TBC1D16: variants seen among roughly 807,000 people sequenced by gnomAD.
TBC1D16 encodes TBC1 domain family member 16, also known as CTD-2529O21.1.
A neutral mutation model predicts 74.7 loss-of-function variants in TBC1D16; 58 were observed. The observed-to-expected ratio is 0.78, with a 90% CI of 0.63 to 0.97. The LOEUF (loss-of-function observed/expected upper bound fraction) is 0.97, where lower values mean the gene tolerates loss of function less well. Ranked by LOEUF, TBC1D16 falls within the 50% of genes least tolerant of loss-of-function variation. The pLI is 0.00. For missense variants in TBC1D16, 1,014 were observed against 1,079.5 expected, an observed-to-expected ratio of 0.94 and a Z score of 0.85; for synonymous variants, 493 against 474.7, an observed-to-expected ratio of 1.04 and a Z score of -0.50.
chr17:80,018,282 AT>A (rs1257802956), intron 1 of TBC1D16, among the ~76,000 whole-genome samples: 6 of 135,546 alleles, frequency 4.4e-5, no homozygotes, highest in African/African-American at 6.9e-5. Flanking sequence ...TTATTTCTTT[AT>A]TTTTTTTTTA....
In TBC1D16 at chr17:80,000,166, T is replaced by A. The variant is rs537247327; in HGVS notation, c.779+9994A>T. 3.0e-4 allele frequency among the ~76,000 whole-genome samples: 46 copies of A among 152,274 alleles called. No homozygotes were observed. The South Asian group carries it at 8.7e-3, about 29-fold the overall frequency. On this transcript the variant is annotated intron_variant, in intron 3 of 11. Transcript: ENST00000310924. The surrounding 1 kb of genome is among the most constrained non-coding windows in gnomAD (Gnocchi z 4.1). Reference sequence around the variant, plus strand: ...ATGACCACACTGATGTCGGGAGCTGTTTCTGGGATTCAGGTTGGCACCCAT... The same window carrying A: ...ATGACCACACTGATGTCGGGAGCTGATTCTGGGATTCAGGTTGGCACCCAT...
In TBC1D16 at chr17:79,986,958, C is replaced by A. The variant is rs1183648248; in HGVS notation, c.779+23202G>T. 1.3e-5 allele frequency among the ~76,000 whole-genome samples: 2 copies of A among 152,246 alleles called. No individual in the cohort carries two copies. The highest frequency in any genetic ancestry group is 2.9e-5 in the Non-Finnish European group (2 of 68,042). On this transcript the variant is annotated intron_variant, in intron 3 of 11. Coordinates refer to ENST00000310924, the MANE Select transcript of TBC1D16 (RefSeq NM_019020.4). The surrounding 1 kb of genome is among the most constrained non-coding windows in gnomAD (Gnocchi z 6.0). ...TTACTTGGCTCCCTTCCCGGGATGG[C>A]CTTGTAGCAAATCCATCTGGGATAT...
intron 5 of TBC1D16, among the ~76,000 whole-genome samples, 188 bp downstream of exon 5, chr17:79,951,262 A>C (rs931536915): frequency 6.6e-6 from 1 of 152,218 alleles, no homozygotes; most frequent in Non-Finnish European, 1.5e-5. Flanking sequence ...CACTGACTTT[A>C]CCGAAAGCCC....
At chr17:80,027,664 G>A (rs540777048) in intron 1 of TBC1D16, among the ~76,000 whole-genome samples, 23 of 151,550 alleles carry the variant, frequency 1.5e-4, no homozygotes, top group East Asian at 1.4e-3. Flanking sequence ...AGGCTGAGGC[G>A]GCAGATCGCT....
At position 80,009,811 on chromosome 17, in the gene TBC1D16, G is replaced by A. The variant is rs111994785; in HGVS notation, c.779+349C>T. On this transcript the variant is annotated intron_variant, in intron 3 of 11. Transcript: ENST00000310924. This position sits in a 1 kb window ranked among gnomAD's most constrained non-coding sequence, Gnocchi z 5.4. The stretch of plus-strand genomic sequence containing the variant: ...GGGACTGAAAATCTCCTGCCCCTCC[G>A]GTGATGGGAACAGAAGGGACCAGGA... 1.3e-5 allele frequency among the ~76,000 whole-genome samples: 2 copies of A among 152,084 alleles called. No individual in the cohort carries two copies. Among genetic ancestry groups the A allele is most frequent in the African/African-American group, 4.8e-5 (2 of 41,430 alleles).
At chr17:80,015,170 C>T (rs1445006220) in intron 1 of TBC1D16, among the ~76,000 whole-genome samples, 1 of 152,210 alleles carries the variant, frequency 6.6e-6, no homozygotes, top group Non-Finnish European at 1.5e-5. Context: ...TGACTCATGC[C>T]TGTAATCCAA....
chr17:79,963,151 A>G (rs1377079024), intron 3 of TBC1D16, among the ~76,000 whole-genome samples: 1 of 148,298 alleles, frequency 6.7e-6, no homozygotes, highest in Non-Finnish European at 1.5e-5. Context: ...CAGGAGTTGG[A>G]GGTTGCTGTC....
intron 3 of TBC1D16, among the ~76,000 whole-genome samples, chr17:80,006,337 C>T (rs1598416517): frequency 6.6e-6 from 1 of 152,312 alleles, no homozygotes; most frequent in Middle Eastern, 3.4e-3. Context: ...GGCGCCACCC[C>T]AGCGATCCTA....
chr17:79,941,280 G>A lies in TBC1D16; in HGVS notation c.2056-173C>T, dbSNP rs924019658. ...CATCTCCCACCATCACCGGCACCAC[G>A]GGGCCCTGGGTCTTAGGTGGCTGCA... On this transcript the variant is annotated intron_variant, in intron 11 of 11. Transcript: ENST00000310924. This position sits in a 1 kb window ranked among gnomAD's most constrained non-coding sequence, Gnocchi z 4.3. 3.9e-5 allele frequency among the ~76,000 whole-genome samples: 6 copies of A among 152,244 alleles called. No individual in the cohort carries two copies. Among genetic ancestry groups the A allele is most frequent in the East Asian group, 1.9e-4 (1 of 5,190 alleles).
chr17:79,933,325 G>C lies in TBC1D16; in HGVS notation c.*7534C>G, dbSNP rs2031374505. 6.6e-6 allele frequency: 1 copy of C among 152,068 alleles called. No homozygotes were observed. Among genetic ancestry groups the C allele is most frequent in the African/African-American group, 2.4e-5 (1 of 41,364 alleles). The allele number at this position is 152,068 out of a possible 1,614,324, so 9.4% of individuals were successfully genotyped here. A position where few individuals can be genotyped will look rare whatever the true frequency, so the allele number is the denominator to read the frequency against. On this transcript the variant is annotated 3_prime_UTR_variant, in exon 12 of 12. Transcript: ENST00000310924. ...GTCCGTCTCACTGGGACGAAGAGGG[G>C]GCACAGATGCAGGTATGCCCAGGTA...
intron 3 of TBC1D16, among the ~76,000 whole-genome samples, chr17:79,966,349 G>A (rs1057494122): frequency 6.6e-6 from 1 of 152,114 alleles, no homozygotes; most frequent in Admixed American, 6.5e-5. Flanking sequence ...AGGTGGACAT[G>A]AATTTGAGGG....
Position 79,987,199 on chromosome 17 carries a change from G to A in TBC1D16, c.779+22961C>T, listed in dbSNP as rs980999628. Among the ~76,000 whole-genome samples the A allele has an allele frequency of 6.6e-5, 10 of 151,970 alleles. No homozygotes were observed. The highest frequency in any genetic ancestry group is 6.3e-4 in the South Asian group (3 of 4,784). ...GGAGAAAATTGTTCCAGAGCGTCTC[G>A]GTCTGGGTGGGAGCGGGGAATAAGC... is the stretch of plus-strand genomic sequence containing the variant. On this transcript the variant is annotated intron_variant, in intron 3 of 11. Transcript: ENST00000310924. The surrounding 1 kb of genome is among the most constrained non-coding windows in gnomAD (Gnocchi z 5.2).
chr17:80,014,921 GTATATATAA>G (rs2036032950), intron 1 of TBC1D16, among the ~76,000 whole-genome samples: 1 of 152,200 alleles, frequency 6.6e-6, no homozygotes, highest in African/African-American at 2.4e-5. Context: ...CGTATGAAAT[GTATATATAA>G]TGCGCTGTGA....
chr17:79,952,381 C>T (rs989314742), intron 4 of TBC1D16, among the ~76,000 whole-genome samples: 5 of 152,262 alleles, frequency 3.3e-5, no homozygotes, highest in African/African-American at 1.2e-4. Context: ...GGTTTGGTTT[C>T]TTCTCCCAAG....
intron 3 of TBC1D16, among the ~76,000 whole-genome samples, chr17:79,995,369 C>A (rs1013458633): frequency 6.6e-6 from 1 of 151,986 alleles, no homozygotes; most frequent in Non-Finnish European, 1.5e-5. Flanking sequence ...AAGAGCAAAG[C>A]GTCTCAATGA....
In TBC1D16 at chr17:79,941,089, G is replaced by T; in HGVS notation, c.2074C>A (p.Gln692Lys). The change falls in exon 12 of 12, where the codon CAG becomes AAG. Residue 692 changes from glutamine (Q) to lysine (K), a missense_variant. Gln to Lys is a moderately conservative substitution (Grantham distance 53). Transcript: ENST00000310924. The surrounding 1 kb of genome is among the most constrained non-coding windows in gnomAD (Gnocchi z 4.3). ...VLRKARSLLY[Q>K]FRLLPRIPCS... ...GGGATCCGGGGCAGGAGGCGGAACT[G>T]GTACAGCAAACTCCTCGCCTGCAGA... 6.3e-7 allele frequency: 1 copy of T among 1,584,646 alleles called. No individual in the cohort carries two copies. The highest frequency in any genetic ancestry group is 2.3e-5 in the East Asian group (1 of 43,360).
chr17:79,951,187 T>C (rs777125831), intron 5 of TBC1D16, among the ~76,000 whole-genome samples: 46 of 152,184 alleles, frequency 3.0e-4, no homozygotes, highest in Non-Finnish European at 2.9e-5. Flanking sequence ...CTTATTACAT[T>C]TGTACGTAGA....
chr17:79,969,511 C>A (rs936773183), intron 3 of TBC1D16, among the ~76,000 whole-genome samples: 1 of 152,168 alleles, frequency 6.6e-6, no homozygotes, highest in Non-Finnish European at 1.5e-5. Flanking sequence ...CTAGAGAAAT[C>A]GGAACCCTCA....
At chr17:79,960,591 GC>G (rs1468229150) in intron 3 of TBC1D16, among the ~76,000 whole-genome samples, 8 of 151,586 alleles carry the variant, frequency 5.3e-5, no homozygotes, top group Non-Finnish European at 1.0e-4. Context: ...TCCCGTTTCT[GC>G]TAAAAATACA....
Sources: allele counts gnomAD v4.1 joint callset (sites outside exome capture counted in the v4.1 genomes callset), GRCh38; gene constraint gnomAD v4.1.1; non-coding constraint Gnocchi (gnomAD v3.1); transcripts MANE v1.5; gene names NCBI Gene and HGNC (gene_info 2026-07-23, HGNC 2026-07-21).